SYNE1: variants seen among roughly 807,000 people sequenced by gnomAD.
SYNE1 encodes nesprin-1.
Under a neutral mutation model 1,111.0 loss-of-function variants are expected in SYNE1, and 616 were observed. The ratio of observed to expected loss-of-function variants is 0.55; its 90% confidence interval spans 0.52 to 0.59. SYNE1 has a LOEUF of 0.59. SYNE1 is among the 20% of genes least tolerant of loss of function. The probability of loss-of-function intolerance (pLI) is 0.00; values close to 1 mark genes in which losing one functional copy is unlikely to be tolerated. For missense variants in SYNE1, 10,006 were observed against 10,417.0 expected (o/e 0.96, Z 1.72); for synonymous variants, 3,855 against 3,825.8 (o/e 1.01, Z -0.28).
chr6:152,484,341 T>G (rs535309048), intron 13 of SYNE1, among the ~76,000 whole-genome samples: 31 of 152,328 alleles, frequency 2.0e-4, no homozygotes, highest in African/African-American at 7.5e-4. Context: ...TGAAAGATAC[T>G]GAGCAATTTT....
chr6:152,391,220 G>T (rs1340063816), intron 52 of SYNE1, 57 bp downstream of exon 52: 11 of 1,608,222 alleles, frequency 6.8e-6, no homozygotes, highest in African/African-American at 1.3e-5. Flanking sequence ...AAGCACTTGT[G>T]AATCTAATCA....
chr6:152,351,038 G>A (rs1256573518), intron 70 of SYNE1, among the ~76,000 whole-genome samples: 1 of 152,126 alleles, frequency 6.6e-6, no homozygotes, highest in Non-Finnish European at 1.5e-5. Flanking sequence ...ATTAAATATA[G>A]TTTATATTTC....
chr6:152,289,257 T>C (rs895576764), intron 95 of SYNE1, among the ~76,000 whole-genome samples: 2 of 152,196 alleles, frequency 1.3e-5, no homozygotes, highest in South Asian at 2.1e-4. Context: ...TGATTTGTAA[T>C]TGCAAACTTG....
intron 75 of SYNE1, among the ~76,000 whole-genome samples, chr6:152,337,831 A>G (rs2096437328): frequency 6.6e-6 from 1 of 152,188 alleles, no homozygotes; most frequent in African/African-American, 2.4e-5. Flanking sequence ...ATTTGTTTCA[A>G]TAAATCATTT....
chr6:152,283,635 C>G (rs1024264481), intron 96 of SYNE1, among the ~76,000 whole-genome samples: 3 of 152,160 alleles, frequency 2.0e-5, no homozygotes, highest in African/African-American at 7.2e-5. Flanking sequence ...CTCCCGGGCT[C>G]AAGTGATTCT....
intron 30 of SYNE1, among the ~76,000 whole-genome samples, chr6:152,443,212 CA>C (rs1056931207): frequency 6.6e-6 from 1 of 151,922 alleles, no homozygotes; most frequent in Non-Finnish European, 1.5e-5. Context: ...AATGGAAACC[CA>C]AAAAACCATT....
chr6:152,484,684 A>T, intron 13 of SYNE1, 151 bp downstream of exon 13: 1 of 801,476 alleles, frequency 1.2e-6, no homozygotes, highest in Non-Finnish European at 2.0e-6. Context: ...AAACTAGACA[A>T]GGAGGCAAAG....
chr6:152,418,547 C>A (rs554334696), intron 40 of SYNE1, among the ~76,000 whole-genome samples: 1 of 152,104 alleles, frequency 6.6e-6, no homozygotes, highest in Non-Finnish European at 1.5e-5. Flanking sequence ...TGATCAATAT[C>A]GGAATTTTTG....
intron 95 of SYNE1, among the ~76,000 whole-genome samples, chr6:152,291,028 C>T (rs1053773978): frequency 1.4e-5 from 2 of 147,824 alleles, no homozygotes; most frequent in Non-Finnish European, 3.0e-5. Context: ...ATTTTCTTTC[C>T]CTCTCATTAG....
intron 104 of SYNE1, among the ~76,000 whole-genome samples, chr6:152,249,522 T>G (rs1034237102): frequency 4.6e-5 from 7 of 152,204 alleles, no homozygotes; most frequent in African/African-American, 1.4e-4. Context: ...AAAGCAACGC[T>G]TGTCACCCTA....
intron 21 of SYNE1, among the ~76,000 whole-genome samples, chr6:152,460,896 T>A (rs2098729684): frequency 7.3e-6 from 1 of 137,766 alleles, no homozygotes; most frequent in Non-Finnish European, 1.5e-5. Flanking sequence ...CACTGCAACC[T>A]CTGCCTCCCG....
chr6:152,239,083 G>A (rs1325398365), intron 108 of SYNE1, among the ~76,000 whole-genome samples: 1 of 151,776 alleles, frequency 6.6e-6, no homozygotes, highest in East Asian at 1.9e-4. Context: ...ATTTTTAGTA[G>A]AGACGGGGTT....
At chr6:152,459,201 C>T (rs1342995274) in intron 21 of SYNE1, among the ~76,000 whole-genome samples, 2 of 152,138 alleles carry the variant, frequency 1.3e-5, no homozygotes, top group Non-Finnish European at 2.9e-5. Context: ...ACTTTCTCAT[C>T]TAAATGATTG....
intron 6 of SYNE1, among the ~76,000 whole-genome samples, chr6:152,512,495 C>A (rs1193941990): frequency 1.3e-5 from 2 of 152,102 alleles, no homozygotes; most frequent in Non-Finnish European, 1.5e-5. Flanking sequence ...AGCATACATA[C>A]ACAAAAAATT....
chr6:152,628,435 C>A lies in SYNE1; in HGVS notation c.-104G>T. 8.5e-7 allele frequency: 1 copy of A among 1,182,690 alleles called. No individual in the cohort carries two copies. Among genetic ancestry groups the A allele is most frequent in the Non-Finnish European group, 1.3e-6 (1 of 791,218 alleles). 73.3% of individuals were successfully genotyped at this position (1,182,690 alleles called of 1,614,324 possible). ...ATGCTTGGACTTTTCTAGATCTATT[C>A]TGTCATAAATGAATTCCAGGCCTTT... On this transcript the variant is annotated 5_prime_UTR_variant, in exon 3 of 146. It introduces an in-frame stop codon into an upstream open reading frame of the 5' UTR. Transcript: ENST00000367255.
intron 44 of SYNE1, among the ~76,000 whole-genome samples, chr6:152,407,756 A>G (rs1025712243): frequency 1.3e-4 from 18 of 143,936 alleles, no homozygotes; most frequent in Non-Finnish European, 2.1e-4. Flanking sequence ...AAAATAAAAG[A>G]ATGTTCTTTT....
At chr6:152,126,604 T>C (rs1049919811) in intron 145 of SYNE1, 1 of 152,232 alleles carries the variant, frequency 6.6e-6, no homozygotes, top group Non-Finnish European at 1.5e-5. Flanking sequence ...CGTGCTTATT[T>C]GCTACAAGTA....
chr6:152,484,721 C>A, intron 13 of SYNE1, 114 bp downstream of exon 13: 1 of 1,140,678 alleles, frequency 8.8e-7, no homozygotes, highest in South Asian at 1.4e-5. Flanking sequence ...GTCTTTCTAG[C>A]CTCAGACAGA....
chr6:152,545,548 T>C (rs2099307811), intron 3 of SYNE1, among the ~76,000 whole-genome samples: 1 of 152,232 alleles, frequency 6.6e-6, no homozygotes, highest in African/African-American at 2.4e-5. Context: ...CCACTGCACT[T>C]CAGCCTGGGT....
Sources: allele counts gnomAD v4.1 joint callset (sites outside exome capture counted in the v4.1 genomes callset), GRCh38; gene constraint gnomAD v4.1.1; transcripts MANE v1.5; gene names NCBI Gene and HGNC (gene_info 2026-07-23, HGNC 2026-07-21).